The following ELAPOR1 variants were observed in gnomAD, a reference collection of about 807,000 sequenced individuals.
The protein encoded by ELAPOR1 is endosome/lysosome-associated apoptosis and autophagy regulator 1.
In ELAPOR1, 77 loss-of-function variants were observed where a neutral mutation model predicts 119.7. The ratio of observed to expected loss-of-function variants is 0.64; its 90% CI spans 0.54 to 0.78. ELAPOR1 has a LOEUF of 0.78. Among genes scored for constraint, ELAPOR1 ranks in the 30% least tolerant of loss-of-function variants. The pLI, the probability that ELAPOR1 is intolerant of heterozygous loss-of-function variation, is 0.00. For missense variants in ELAPOR1, 1,115 were observed against 1,270.4 expected (o/e 0.88, Z 1.86); for synonymous variants, 481 against 487.2 (o/e 0.99, Z 0.17).
Position 109,173,772 on chromosome 1 carries a change from C to G in ELAPOR1, c.887C>G (p.Pro296Arg). ...GGCTCCTCTTTCTGCAAACTTTGCC[C>G]AGCCAACTCTTATTCAAATAAAGGA... is the stretch of plus-strand genomic sequence containing the variant. ...KQGSSFCKLC[P>R]ANSYSNKGET... Residue 296 changes from proline (P) to arginine (R), a missense_variant, in exon 7 of 22, where the codon CCA (proline) becomes CGA (arginine). By Grantham distance (103) the Pro-to-Arg change is moderately radical. Coordinates refer to ENST00000369939, the MANE Select transcript of ELAPOR1 (RefSeq NM_020775.5). 1 of 1,614,154 alleles carries G rather than the reference C, an allele frequency of 6.2e-7. No homozygotes were observed. The highest frequency in any genetic ancestry group is 1.1e-5 in the South Asian group (1 of 91,074).
Position 109,166,643 on chromosome 1 carries a change from C to T in ELAPOR1, c.467+1952C>T, listed in dbSNP as rs142664555. ...AGGTTATGACCTGCTCTTTGTTATCCGGTTTACAGCCGGCGAGATTGAAAT... is the reference window on the plus strand; with the variant it reads ...AGGTTATGACCTGCTCTTTGTTATCTGGTTTACAGCCGGCGAGATTGAAAT... On this transcript the variant is annotated intron_variant, in intron 3 of 21. Transcript: ENST00000369939. Among the ~76,000 whole-genome samples the T allele has an allele frequency of 7.3e-3, 1,116 of 152,248 alleles. 18 individuals carry two copies. Among genetic ancestry groups the T allele is most frequent in the African/African-American group, 0.025 (1,058 of 41,532 alleles).
intron 1 of ELAPOR1, among the ~76,000 whole-genome samples, chr1:109,131,102 C>T (rs1200348668): frequency 1.3e-5 from 2 of 152,236 alleles, no homozygotes; most frequent in Non-Finnish European, 2.9e-5. Context: ...GGGCTGCAGT[C>T]ATCCAAAAGC....
chr1:109,188,331 A>T lies in ELAPOR1; in HGVS notation c.1196A>T (p.Tyr399Phe). 2 of 1,613,760 alleles carry T rather than the reference A, an allele frequency of 1.2e-6. No individual in the cohort carries two copies. The highest frequency in any genetic ancestry group is 1.7e-6 in the Non-Finnish European group (2 of 1,179,704). Residue 399 changes from tyrosine to phenylalanine, a missense_variant, in exon 9 of 22, where the codon TAT becomes TTT. Tyr to Phe is a conservative substitution (Grantham distance 22). Coordinates refer to ENST00000369939, the MANE Select transcript of ELAPOR1 (RefSeq NM_020775.5). ...TNNSTCQPCP[Y>F]GSYSNGSDCT... ...AACAGCACCTGCCAGCCCTGCCCATATGGTTCCTACTCCAATGGCTCAGGT... is the reference window on the plus strand; with the variant it reads ...AACAGCACCTGCCAGCCCTGCCCATTTGGTTCCTACTCCAATGGCTCAGGT...
At chr1:109,188,038 C>T in intron 8 of ELAPOR1, 139 bp from the exon 9 acceptor site, 1 of 1,427,966 alleles carries the variant, frequency 7.0e-7, no homozygotes, top group African/African-American at 1.4e-5. Flanking sequence ...CCGTGAGCCA[C>T]ACAAAGTTCC....
chr1:109,203,352 A>G lies in ELAPOR1; in HGVS notation c.*340A>G. The G allele has an allele frequency of 3.8e-6, 1 of 266,046 alleles. No homozygotes were observed. The highest frequency in any genetic ancestry group is 7.1e-6 in the Non-Finnish European group (1 of 141,278). The allele number at this position is 266,046 out of a possible 1,614,324, so 16.5% of individuals were successfully genotyped here. Reference sequence around the variant, plus strand: ...TTCTATCTTCTTAAGTATAGAAACTATTTCCTCTGTCCTCTAACTTAAGGG... The same window carrying G: ...TTCTATCTTCTTAAGTATAGAAACTGTTTCCTCTGTCCTCTAACTTAAGGG... On this transcript the variant is annotated 3_prime_UTR_variant, in exon 22 of 22. Transcript: ENST00000369939.
Position 109,189,460 on chromosome 1 carries a change from C to T in ELAPOR1, c.1349-132C>T, listed in dbSNP as rs147511014. On this transcript the variant is annotated intron_variant, in intron 10 of 21. Coordinates refer to ENST00000369939, the MANE Select transcript of ELAPOR1 (RefSeq NM_020775.5). ...GACCAAAGTGGCAGGATAAGTAACA[C>T]GGTTCATGTTCAGTGGTGGTTCTGG... is the stretch of plus-strand genomic sequence containing the variant. The T allele has an allele frequency of 1.5e-3, 1,262 of 859,210 alleles. 9 individuals carry two copies. In the African/African-American group the frequency reaches 0.019, roughly 13 times the overall value. 53.2% of individuals were successfully genotyped at this position (859,210 alleles called of 1,614,324 possible).
At chr1:109,191,901 CCTCT>C (rs757424985) in intron 13 of ELAPOR1, 38 bp downstream of exon 13, 1 of 1,610,250 alleles carries the variant, frequency 6.2e-7, no homozygotes, top group South Asian at 1.1e-5. Context: ...CAGGAGAGAC[CCTCT>C]GAACCCAGGA....
chr1:109,123,825 GT>G (rs1648603821), intron 1 of ELAPOR1, among the ~76,000 whole-genome samples: 1 of 152,076 alleles, frequency 6.6e-6, no homozygotes, highest in Non-Finnish European at 1.5e-5. Flanking sequence ...TTGAGATAGA[GT>G]TTTTCTCTAT....
intron 7 of ELAPOR1, among the ~76,000 whole-genome samples, chr1:109,175,361 C>T (rs1259168268): frequency 6.7e-6 from 1 of 150,358 alleles, no homozygotes; most frequent in Non-Finnish European, 1.5e-5. Flanking sequence ...CACCACCATG[C>T]CCAGCTAATT....
intron 7 of ELAPOR1, among the ~76,000 whole-genome samples, chr1:109,183,568 C>T (rs560221404): frequency 0.048 from 2,130 of 44,464 alleles, 75 homozygotes; most frequent in African/African-American, 0.11. Context: ...TTCCTTCCTT[C>T]CTTCCTTCCT....
In ELAPOR1 at chr1:109,144,598, C is replaced by T. The variant is rs886490615; in HGVS notation, c.154-17296C>T. Among the ~76,000 whole-genome samples the T allele has an allele frequency of 3.3e-5, 5 of 151,874 alleles. No homozygotes were observed. In the East Asian group the frequency reaches 5.9e-4, roughly 18 times the overall value. ...TCTACTAAAAATACAAAAAATTAGC[C>T]GGGTGTGGCGGCATATGCCAGTAAT... On this transcript the variant is annotated intron_variant, in intron 1 of 21. Transcript: ENST00000369939.
At chr1:109,120,203 G>A (rs1229741056) in intron 1 of ELAPOR1, among the ~76,000 whole-genome samples, 1 of 152,078 alleles carries the variant, frequency 6.6e-6, no homozygotes, top group African/African-American at 2.4e-5. Context: ...TTCAAGACCA[G>A]CCTGGCCAAC....
chr1:109,132,153 G>T (rs759344608), intron 1 of ELAPOR1, among the ~76,000 whole-genome samples: 5 of 152,012 alleles, frequency 3.3e-5, no homozygotes, highest in African/African-American at 1.2e-4. Flanking sequence ...AGACCAACCA[G>T]GCTTTTTTTT....
intron 5 of ELAPOR1, 46 bp from the exon 6 acceptor site, chr1:109,173,428 A>G: frequency 6.5e-7 from 1 of 1,529,218 alleles, no homozygotes; most frequent in Non-Finnish European, 9.0e-7. Context: ...CAGATTAGCG[A>G]GATTTTTCTC....
At chr1:109,137,337 G>T (rs1055812263) in intron 1 of ELAPOR1, among the ~76,000 whole-genome samples, 1 of 149,158 alleles carries the variant, frequency 6.7e-6, no homozygotes, top group Non-Finnish European at 1.5e-5. Flanking sequence ...CCAAGTAGCT[G>T]GGACTACAGG....
chr1:109,127,617 AGTGCCGTGGC>A (rs1375241863), intron 1 of ELAPOR1, among the ~76,000 whole-genome samples: 4 of 151,912 alleles, frequency 2.6e-5, no homozygotes, highest in African/African-American at 9.7e-5. Flanking sequence ...CCCAGGCTGG[AGTGCCGTGGC>A]GTGATCACTG....
chr1:109,150,175 G>A (rs1650440675), intron 1 of ELAPOR1, among the ~76,000 whole-genome samples: 1 of 152,182 alleles, frequency 6.6e-6, no homozygotes, highest in Non-Finnish European at 1.5e-5. Flanking sequence ...AACTACCCCA[G>A]GTCCGTGTGG....
intron 1 of ELAPOR1, among the ~76,000 whole-genome samples, chr1:109,136,203 G>A (rs999648752): frequency 6.6e-6 from 1 of 152,084 alleles, no homozygotes; most frequent in African/African-American, 2.4e-5. Context: ...TTGGAAATGG[G>A]GTCTTTGCGG....
intron 1 of ELAPOR1, among the ~76,000 whole-genome samples, chr1:109,136,414 T>G (rs926435409): frequency 1.3e-5 from 2 of 152,150 alleles, no homozygotes; most frequent in Non-Finnish European, 2.9e-5. Flanking sequence ...GGGGCCAGAT[T>G]CTCCCTTGTG....
Sources: gnomAD v4.1 joint callset for allele counts (sites outside exome capture counted in the v4.1 genomes callset) on GRCh38, gnomAD v4.1.1 for gene constraint, MANE v1.5 for transcripts, NCBI Gene and HGNC (gene_info 2026-07-23, HGNC 2026-07-21) for gene names.